Variants in AFF3 observed in about 807,000 individuals in gnomAD.
The protein encoded by AFF3 is AF4/FMR2 family member 3.
Under a neutral mutation model 129.7 loss-of-function variants are expected in AFF3, and 32 were observed. The ratio of observed to expected loss-of-function variants is 0.25; its 90% CI spans 0.19 to 0.33. AFF3 has a LOEUF of 0.33. Ranked by LOEUF, AFF3 falls within the 10% of genes least tolerant of loss-of-function variation. The pLI is 1.00. For missense variants in AFF3, 1,373 were observed against 1,592.0 expected (o/e 0.86, Z 2.34); for synonymous variants, 644 against 635.4 (o/e 1.01, Z -0.20).
intron 4 of AFF3, among the ~76,000 whole-genome samples, chr2:100,078,341 T>A (rs138418287): frequency 1.2e-4 from 19 of 152,360 alleles, no homozygotes; most frequent in African/African-American, 4.6e-4. Flanking sequence ...GAGTTTTTAC[T>A]ACCCTAAACT....
chr2:99,567,515 G>A (rs932060632), intron 19 of AFF3, among the ~76,000 whole-genome samples: 3 of 152,176 alleles, frequency 2.0e-5, no homozygotes, highest in African/African-American at 7.2e-5. Context: ...ATGAGATGGA[G>A]GAAAGTGAGC....
At position 99,593,651 on chromosome 2, in the gene AFF3, C is replaced by T. The variant is rs145457405; in HGVS notation, c.2010G>A (p.Ser670=). The part of the protein sequence containing the change: ...PKSKEFIETE[S]SSSSSSSDSD... ...AGTCCGAGGAGGAGGATGAAGATGA[C>T]GACTCTGTCTCAATGAACTCCTTGG... The change falls in exon 15 of 25, where the codon TCG becomes TCA. Residue 670 remains serine, a synonymous_variant. Transcript: ENST00000672756. 4.4e-6 allele frequency: 7 copies of T among 1,607,068 alleles called. No individual in the cohort carries two copies. The highest frequency in any genetic ancestry group is 1.3e-5 in the African/African-American group (1 of 74,812).
chr2:99,789,446 C>CAAAAAA (rs34653301), intron 8 of AFF3, among the ~76,000 whole-genome samples: 2 of 62,056 alleles, frequency 3.2e-5, no homozygotes, highest in African/African-American at 6.9e-5. Context: ...GCCCTGTCAC[C>CAAAAAA]AAAAAAAAAA....
intron 18 of AFF3, among the ~76,000 whole-genome samples, chr2:99,570,674 A>G (rs2104689302): frequency 6.6e-6 from 1 of 152,280 alleles, no homozygotes; most frequent in East Asian, 1.9e-4. Context: ...AGGGTCTACG[A>G]GATAAAATCT....
chr2:99,808,108 T>C (rs1319484608), intron 8 of AFF3, among the ~76,000 whole-genome samples: 1 of 151,772 alleles, frequency 6.6e-6, no homozygotes, highest in Non-Finnish European at 1.5e-5. Context: ...CTTAGAAGAG[T>C]GGGTTAAAGA....
At chr2:99,597,204 C>T (rs1398759439) in intron 14 of AFF3, among the ~76,000 whole-genome samples, 1 of 152,198 alleles carries the variant, frequency 6.6e-6, no homozygotes, top group Non-Finnish European at 1.5e-5. Flanking sequence ...ACGGCTGCAT[C>T]ACTGTGTCTC....
At chr2:99,864,341 CT>C (rs1691220311) in intron 7 of AFF3, among the ~76,000 whole-genome samples, 2 of 152,220 alleles carry the variant, frequency 1.3e-5, no homozygotes, top group South Asian at 4.1e-4. Context: ...ACCACCTACT[CT>C]TTTCCTTGAT....
chr2:100,016,057 ATGG>A (rs1451575555), intron 4 of AFF3, among the ~76,000 whole-genome samples: 3 of 142,712 alleles, frequency 2.1e-5, no homozygotes, highest in South Asian at 2.3e-4. Context: ...GATTGTGATA[ATGG>A]TGGTGATGAC....
chr2:99,892,845 G>A (rs1267004865), intron 7 of AFF3, among the ~76,000 whole-genome samples: 1 of 152,154 alleles, frequency 6.6e-6, no homozygotes, highest in Non-Finnish European at 1.5e-5. Flanking sequence ...GCACCAGAGG[G>A]AATCTTGGGA....
chr2:99,586,331 G>A (rs902664868), intron 16 of AFF3, among the ~76,000 whole-genome samples: 9 of 152,158 alleles, frequency 5.9e-5, no homozygotes, highest in East Asian at 1.9e-4. Context: ...TGATTCCGGC[G>A]CTGCAGTGTG....
intron 19 of AFF3, among the ~76,000 whole-genome samples, chr2:99,565,834 G>C (rs775521608): frequency 1.2e-4 from 19 of 152,140 alleles, no homozygotes; most frequent in Non-Finnish European, 2.5e-4. Context: ...GTTATATACA[G>C]AATTGTATCA....
chr2:99,661,088 C>A (rs1160436068), intron 12 of AFF3, among the ~76,000 whole-genome samples: 1 of 152,162 alleles, frequency 6.6e-6, no homozygotes, highest in African/African-American at 2.4e-5. Context: ...TGAGGGATAG[C>A]GTATACTCCA....
chr2:99,805,702 ATAACACT>A (rs1686286942), intron 8 of AFF3, among the ~76,000 whole-genome samples: 2 of 152,184 alleles, frequency 1.3e-5, no homozygotes, highest in Non-Finnish European at 2.9e-5. Flanking sequence ...CATTAATAAC[ATAACACT>A]TATCCTATTG....
intron 15 of AFF3, among the ~76,000 whole-genome samples, chr2:99,590,679 T>C (rs374975239): frequency 1.5e-4 from 23 of 152,268 alleles, no homozygotes; most frequent in African/African-American, 5.3e-4. Flanking sequence ...GTGGAAACTA[T>C]GTTGGGGCCT....
intron 9 of AFF3, among the ~76,000 whole-genome samples, chr2:99,746,202 A>G (rs1186076187): frequency 2.0e-5 from 3 of 152,160 alleles, no homozygotes; most frequent in Non-Finnish European, 4.4e-5. Flanking sequence ...GTAGCAGGAC[A>G]TAAAATCCAG....
chr2:99,838,175 T>C (rs2105796608), intron 7 of AFF3, among the ~76,000 whole-genome samples: 1 of 152,206 alleles, frequency 6.6e-6, no homozygotes, highest in East Asian at 1.9e-4. Flanking sequence ...GGGGAGCATT[T>C]TAAGTTCCAG....
At chr2:99,938,687 TCTGCCATCAGA>T (rs1340762903) in intron 7 of AFF3, among the ~76,000 whole-genome samples, 2 of 152,194 alleles carry the variant, frequency 1.3e-5, no homozygotes. Context: ...AAGAGGGAAT[TCTGCCATCAGA>T]CAGCCTTTGG....
intron 8 of AFF3, among the ~76,000 whole-genome samples, chr2:99,802,993 T>G (rs1488717159): frequency 6.6e-6 from 1 of 152,176 alleles, no homozygotes; most frequent in Non-Finnish European, 1.5e-5. Context: ...TCCAGTGCTA[T>G]CCTGAATAGA....
chr2:99,930,818 T>C (rs747748231), intron 7 of AFF3, among the ~76,000 whole-genome samples: 4 of 151,802 alleles, frequency 2.6e-5, no homozygotes, highest in African/African-American at 4.9e-5. Context: ...TCAAAATGTA[T>C]GCATTTTCCA....
Sources: gnomAD v4.1 joint callset for allele counts (sites outside exome capture counted in the v4.1 genomes callset) on GRCh38, gnomAD v4.1.1 for gene constraint, MANE v1.5 for transcripts, NCBI Gene and HGNC (gene_info 2026-07-23, HGNC 2026-07-21) for gene names.